Variants in TENM3 observed in about 807,000 individuals in gnomAD.
TENM3 encodes the protein teneurin transmembrane protein 3.
TENM3 carries 63 observed loss-of-function variants against 255.1 expected under a neutral mutation model. That is an observed-to-expected ratio of 0.25 (90% CI 0.20 to 0.30). The LOEUF is 0.30. TENM3 is among the 10% of genes least tolerant of loss of function. TENM3 has a pLI of 1.00. For missense variants in TENM3, 2,929 were observed against 3,461.1 expected (o/e 0.85, Z 3.86); for synonymous variants, 1,306 against 1,322.3 (o/e 0.99, Z 0.27).
chr4:181,930,239 G>T, the TENM3 span, among the ~76,000 whole-genome samples: 2 of 152,002 alleles, frequency 1.3e-5, no homozygotes, highest in African/African-American at 2.4e-5. Flanking sequence ...CTGGTTTTTT[G>T]AAAATATTAA....
chr4:181,710,908 A>G, the TENM3 span, among the ~76,000 whole-genome samples: 13 of 151,934 alleles, frequency 8.6e-5, no homozygotes, highest in Non-Finnish European at 1.5e-4. Flanking sequence ...AAAAAGAGAA[A>G]TGAGGTAGTA....
the TENM3 span, among the ~76,000 whole-genome samples, chr4:181,469,795 G>A: frequency 6.6e-6 from 1 of 152,018 alleles, no homozygotes; most frequent in African/African-American, 2.4e-5. Flanking sequence ...ATGAACAAGT[G>A]AACAAAATCA....
chr4:181,735,380 C>T, the TENM3 span, among the ~76,000 whole-genome samples: 154 of 152,200 alleles, frequency 1.0e-3, no homozygotes, highest in African/African-American at 3.6e-3. Flanking sequence ...TGCTTGTTTT[C>T]CCTCCAATAA....
At chr4:182,525,722 T>C (rs1423219773) in intron 3 of TENM3, among the ~76,000 whole-genome samples, 1 of 152,224 alleles carries the variant, frequency 6.6e-6, no homozygotes, top group African/African-American at 2.4e-5. Context: ...TGCAGGAGTT[T>C]AGTTGTCAAA....
At chr4:182,766,410 G>A (rs958084779) in intron 22 of TENM3, among the ~76,000 whole-genome samples, 2 of 152,106 alleles carry the variant, frequency 1.3e-5, no homozygotes, top group Admixed American at 6.5e-5. Flanking sequence ...TCTTAAACAT[G>A]ATTCTTCTCT....
chr4:181,875,102 G>C, the TENM3 span, among the ~76,000 whole-genome samples: 1 of 152,146 alleles, frequency 6.6e-6, no homozygotes, highest in Non-Finnish European at 1.5e-5. Context: ...GCAAGTCTCT[G>C]TTCGCATTTT....
At chr4:181,451,841 A>G in the TENM3 span, among the ~76,000 whole-genome samples, 2 of 152,214 alleles carry the variant, frequency 1.3e-5, no homozygotes, top group Admixed American at 6.5e-5. Context: ...CTTAATTTAT[A>G]GACATTGACT....
the TENM3 span, among the ~76,000 whole-genome samples, chr4:181,808,873 G>A: frequency 1.3e-5 from 2 of 152,226 alleles, no homozygotes; most frequent in East Asian, 1.9e-4. Flanking sequence ...AGGACAATAC[G>A]TCCCATCATC....
the TENM3 span, among the ~76,000 whole-genome samples, chr4:181,492,301 T>C: frequency 1.3e-5 from 2 of 152,214 alleles, no homozygotes; most frequent in Non-Finnish European, 2.9e-5. Flanking sequence ...TTTCACAAAA[T>C]ACCACATATT....
At chr4:181,509,642 A>G in the TENM3 span, among the ~76,000 whole-genome samples, 1 of 152,196 alleles carries the variant, frequency 6.6e-6, no homozygotes, top group East Asian at 1.9e-4. Flanking sequence ...AAAGGATTGA[A>G]CAGAACTTGA....
At chr4:181,917,632 G>A in the TENM3 span, among the ~76,000 whole-genome samples, 4 of 149,510 alleles carry the variant, frequency 2.7e-5, no homozygotes, top group South Asian at 4.3e-4. Flanking sequence ...CAGCATCTCA[G>A]CATAGTTCCT....
At chr4:182,777,614 G>A (rs1221668220) in intron 24 of TENM3, among the ~76,000 whole-genome samples, 1 of 125,792 alleles carries the variant, frequency 7.9e-6, no homozygotes, top group Non-Finnish European at 1.6e-5. Flanking sequence ...CTGGAGTGCA[G>A]TGGTGTGATC....
In TENM3 at chr4:182,481,376, G is replaced by A. The variant is rs527550357; in HGVS notation, c.512-119548G>A. 7.9e-5 allele frequency among the ~76,000 whole-genome samples: 12 copies of A among 152,290 alleles called. No homozygotes were observed. In the East Asian group the frequency reaches 2.3e-3, roughly 29 times the overall value. On this transcript the variant is annotated intron_variant, in intron 3 of 27. Coordinates refer to ENST00000511685, the MANE Select transcript of TENM3 (RefSeq NM_001080477.4). Reference sequence around the variant, plus strand: ...CTTTTCTGAAATTCTTATGAAATAAGTATAGCTCCTGTTAGTTATCTGTTT... The same window carrying A: ...CTTTTCTGAAATTCTTATGAAATAAATATAGCTCCTGTTAGTTATCTGTTT...
intron 1 of TENM3, among the ~76,000 whole-genome samples, chr4:182,311,828 A>G (rs1467998664): frequency 6.6e-6 from 1 of 152,220 alleles, no homozygotes; most frequent in Non-Finnish European, 1.5e-5. Flanking sequence ...CCAGTGGCAC[A>G]CAGACTTCCC....
chr4:181,574,503 AGTCCG>A, the TENM3 span, among the ~76,000 whole-genome samples: 8 of 151,150 alleles, frequency 5.3e-5, no homozygotes, highest in South Asian at 1.5e-3. Context: ...TGCAGTCCGC[AGTCCG>A]GCCTGGGCGA....
At chr4:181,475,732 T>A in the TENM3 span, among the ~76,000 whole-genome samples, 9 of 152,220 alleles carry the variant, frequency 5.9e-5, no homozygotes, top group Admixed American at 2.6e-4. Context: ...TTGATAGGTA[T>A]GATGAAGATT....
intron 27 of TENM3, 117 bp downstream of exon 27, chr4:182,796,884 G>T: frequency 1.3e-6 from 1 of 750,584 alleles, no homozygotes; most frequent in Non-Finnish European, 2.0e-6. Flanking sequence ...CTTTTTGACT[G>T]TTTTAGGGAA....
At chr4:182,001,065 A>G in the TENM3 span, among the ~76,000 whole-genome samples, 3 of 146,874 alleles carry the variant, frequency 2.0e-5, no homozygotes, top group Non-Finnish European at 4.5e-5. Flanking sequence ...TATTTGTTCT[A>G]AAGCTTCAAA....
chr4:181,476,211 T>TTG, the TENM3 span, among the ~76,000 whole-genome samples: 2 of 139,496 alleles, frequency 1.4e-5, no homozygotes, highest in Non-Finnish European at 1.6e-5. Flanking sequence ...TAGGGGTTTT[T>TTG]TTTTTTTTTT....
Sources: gnomAD v4.1 joint callset for allele counts (sites outside exome capture counted in the v4.1 genomes callset) on GRCh38, gnomAD v4.1.1 for gene constraint, MANE v1.5 for transcripts, NCBI Gene and HGNC (gene_info 2026-07-23, HGNC 2026-07-21) for gene names.